Variants in AFF3 observed in about 807,000 individuals in gnomAD.
AFF3 encodes the protein AF4/FMR2 family member 3.
AFF3 carries 32 observed loss-of-function variants against 129.7 expected under a neutral mutation model. The ratio of observed to expected loss-of-function variants is 0.25; its 90% CI spans 0.19 to 0.33. The LOEUF (loss-of-function observed/expected upper bound fraction) is 0.33. Among genes scored for constraint, AFF3 ranks in the 10% least tolerant of loss-of-function variants. The pLI, the probability that AFF3 is intolerant of heterozygous loss-of-function variation, is 1.00. For missense variants in AFF3, 1,373 were observed against 1,592.0 expected (o/e 0.86, Z 2.34); for synonymous variants, 644 against 635.4 (o/e 1.01, Z -0.20).
chr2:99,828,836 TAC>T (rs922577743), intron 8 of AFF3, among the ~76,000 whole-genome samples: 1 of 152,102 alleles, frequency 6.6e-6, no homozygotes, highest in African/African-American at 2.4e-5. Flanking sequence ...GCACAAGAAT[TAC>T]ACACACACAT....
intron 4 of AFF3, among the ~76,000 whole-genome samples, chr2:100,036,455 C>T (rs76298464): frequency 0.027 from 4,057 of 151,992 alleles, 73 homozygotes; most frequent in Middle Eastern, 0.044. Flanking sequence ...ACATTTTATT[C>T]CTACCTTGCA....
chr2:99,617,014 T>C (rs759172981), intron 13 of AFF3, among the ~76,000 whole-genome samples: 17 of 152,244 alleles, frequency 1.1e-4, no homozygotes, highest in Non-Finnish European at 1.6e-4. Context: ...GGTTGAATAA[T>C]ATTCCATTGT....
rs114054623 is a variant in AFF3 at position 99,711,807 on chromosome 2, T to C, written c.1091+15270A>G. Among the ~76,000 whole-genome samples, 578 of 152,310 alleles carry C rather than the reference T, an allele frequency of 3.8e-3. 4 individuals carry two copies. The highest frequency in any genetic ancestry group is 0.013 in the African/African-American group (537 of 41,582). On this transcript the variant is annotated intron_variant, in intron 11 of 24. Coordinates refer to ENST00000672756, the MANE Select transcript of AFF3 (RefSeq NM_001386135.1). ...GCATGAAGATTCATTAAAGATAACATTGGGAGGAAGCACAGGCAGTCTGTT... is the reference window on the plus strand; with the variant it reads ...GCATGAAGATTCATTAAAGATAACACTGGGAGGAAGCACAGGCAGTCTGTT...
At chr2:99,647,479 G>A (rs937982849) in intron 13 of AFF3, among the ~76,000 whole-genome samples, 1 of 152,162 alleles carries the variant, frequency 6.6e-6, no homozygotes, top group African/African-American at 2.4e-5. Context: ...ACTGGGTCCT[G>A]CCGGTGAGGT....
intron 8 of AFF3, among the ~76,000 whole-genome samples, chr2:99,766,951 T>C (rs965456850): frequency 7.2e-5 from 11 of 152,244 alleles, no homozygotes; most frequent in South Asian, 2.1e-4. Context: ...CAAGGGCGAA[T>C]AGGCAATCTA....
chr2:100,004,463 T>C (rs1573078305), intron 7 of AFF3, among the ~76,000 whole-genome samples: 1 of 152,284 alleles, frequency 6.6e-6, no homozygotes, highest in African/African-American at 2.4e-5. Flanking sequence ...TTTTATTTAT[T>C]TTTTGTAGAG....
chr2:99,772,026 A>G (rs1558835208), intron 8 of AFF3, among the ~76,000 whole-genome samples: 1 of 152,342 alleles, frequency 6.6e-6, no homozygotes, highest in Non-Finnish European at 1.5e-5. Flanking sequence ...TGCAATCGAC[A>G]TGCGGTATTC....
chr2:99,939,039 A>AACATG (rs1674784597), intron 7 of AFF3, among the ~76,000 whole-genome samples: 1 of 152,250 alleles, frequency 6.6e-6, no homozygotes, highest in Non-Finnish European at 1.5e-5. Context: ...TTTGAGTACC[A>AACATG]ACATGACACT....
At chr2:100,098,418 T>C (rs552331209) in intron 4 of AFF3, among the ~76,000 whole-genome samples, 297 of 151,866 alleles carry the variant, frequency 2.0e-3, no homozygotes, top group African/African-American at 6.8e-3. Context: ...CTATTCCAGG[T>C]TAAAAATTCC....
At chr2:100,130,408 AG>A (rs1342367917) in intron 1 of AFF3, among the ~76,000 whole-genome samples, 1 of 152,192 alleles carries the variant, frequency 6.6e-6, no homozygotes, top group Non-Finnish European at 1.5e-5. Flanking sequence ...CCCGCTCTGA[AG>A]AGTGCACCCC....
At chr2:99,696,598 A>G (rs1676292034) in intron 11 of AFF3, among the ~76,000 whole-genome samples, 1 of 152,140 alleles carries the variant, frequency 6.6e-6, no homozygotes, top group African/African-American at 2.4e-5. Flanking sequence ...TGGACTAACA[A>G]GCTCTGCCAC....
intron 11 of AFF3, among the ~76,000 whole-genome samples, chr2:99,700,037 T>A (rs980594709): frequency 5.9e-5 from 9 of 152,178 alleles, no homozygotes; most frequent in Non-Finnish European, 1.3e-4. Context: ...ACATTCATGA[T>A]GTTTTGGGCA....
rs1401466575 is a variant in AFF3 at position 99,547,848 on chromosome 2, T to C, written c.*3626A>G. ...TCACTGTTATATAATACACACATCATTGTTGTACATATGAGGATAAGTTTT... is the reference window on the plus strand; with the variant it reads ...TCACTGTTATATAATACACACATCACTGTTGTACATATGAGGATAAGTTTT... On this transcript the variant is annotated 3_prime_UTR_variant, in exon 25 of 25. Coordinates refer to ENST00000672756, the MANE Select transcript of AFF3 (RefSeq NM_001386135.1). The C allele has an allele frequency of 4.7e-5, 10 of 212,250 alleles. No individual in the cohort carries two copies. Among genetic ancestry groups the C allele is most frequent in the Non-Finnish European group, 2.9e-5 (3 of 104,520 alleles). The allele number at this position is 212,250 out of a possible 1,614,324, so 13.1% of individuals were successfully genotyped here.
chr2:99,745,775 A>T (rs576796727), intron 9 of AFF3, among the ~76,000 whole-genome samples: 1 of 152,334 alleles, frequency 6.6e-6, no homozygotes, highest in Admixed American at 6.5e-5. Flanking sequence ...TGCTCAGGTA[A>T]ATAGAGATTG....
intron 13 of AFF3, among the ~76,000 whole-genome samples, chr2:99,622,484 G>C (rs997510467): frequency 6.6e-6 from 1 of 152,160 alleles, no homozygotes; most frequent in Non-Finnish European, 1.5e-5. Flanking sequence ...GAAAAAGAAG[G>C]GGGAATGAAA....
intron 8 of AFF3, among the ~76,000 whole-genome samples, chr2:99,801,340 A>G (rs1368291892): frequency 2.6e-5 from 4 of 152,174 alleles, no homozygotes; most frequent in Admixed American, 2.6e-4. Flanking sequence ...TCATAGGTTA[A>G]CTTTCTTCTC....
intron 3 of AFF3, chr2:100,104,896 G>T: frequency 4.3e-6 from 1 of 230,034 alleles, no homozygotes; most frequent in Non-Finnish European, 6.9e-6. Context: ...GCCGAGGCGC[G>T]CGCGCACCGT....
At chr2:100,137,461 C>A (rs995427285) in intron 1 of AFF3, among the ~76,000 whole-genome samples, 2 of 152,214 alleles carry the variant, frequency 1.3e-5, no homozygotes, top group Non-Finnish European at 2.9e-5. Context: ...TTCCTCTGAG[C>A]CCCTAACTTA....
At chr2:99,847,844 C>A (rs1689849910) in intron 7 of AFF3, among the ~76,000 whole-genome samples, 2 of 152,138 alleles carry the variant, frequency 1.3e-5, no homozygotes, top group Non-Finnish European at 2.9e-5. Context: ...TGCTTTCTAT[C>A]CTCATTCTAA....
Sources: gnomAD v4.1 joint callset for allele counts (sites outside exome capture counted in the v4.1 genomes callset) on GRCh38, gnomAD v4.1.1 for gene constraint, MANE v1.5 for transcripts, NCBI Gene and HGNC (gene_info 2026-07-23, HGNC 2026-07-21) for gene names.